Variants in HECTD4 observed in about 807,000 individuals in gnomAD.
The protein encoded by HECTD4 is probable E3 ubiquitin-protein ligase HECTD4.
A neutral mutation model predicts 471.5 loss-of-function variants in HECTD4; 114 were observed. That is an observed-to-expected ratio of 0.24 (90% confidence interval 0.21 to 0.28). The LOEUF is 0.28. HECTD4 is among the 10% of genes least tolerant of loss of function. HECTD4 has a pLI of 1.00. For missense variants in HECTD4, 3,866 were observed against 5,651.5 expected, an observed-to-expected ratio of 0.68 and a Z score of 10.13; for synonymous variants, 2,012 against 2,256.0, an observed-to-expected ratio of 0.89 and a Z score of 3.07.
intron 44 of HECTD4, among the ~76,000 whole-genome samples, chr12:112,222,557 C>T (rs2033127699): frequency 6.6e-6 from 1 of 152,166 alleles, no homozygotes; most frequent in Non-Finnish European, 1.5e-5. Context: ...TTCCTAGCTA[C>T]TCGGTAGGCT....
chr12:112,211,870 T>G (rs2032772029), intron 49 of HECTD4, among the ~76,000 whole-genome samples: 1 of 152,226 alleles, frequency 6.6e-6, no homozygotes, highest in South Asian at 2.1e-4. Flanking sequence ...CTTGGTCACG[T>G]TAACCTTGAC....
At chr12:112,305,792 T>G (rs1284746466) in intron 7 of HECTD4, among the ~76,000 whole-genome samples, 1 of 152,242 alleles carries the variant, frequency 6.6e-6, no homozygotes, top group African/African-American at 2.4e-5. Flanking sequence ...CAACAGACTG[T>G]GAGCATTTCT....
Position 112,381,153 on chromosome 12 carries a change from T to C in HECTD4, c.177+799A>G, listed in dbSNP as rs1387152000. 6.6e-6 allele frequency among the ~76,000 whole-genome samples: 1 copy of C among 152,088 alleles called. No individual in the cohort carries two copies. Among genetic ancestry groups the C allele is most frequent in the African/African-American group, 2.4e-5 (1 of 41,408 alleles). ...AACCCAAGTGAAGTCGATGGAAAGT[T>C]CCCACCAACCAGGCATATTTGGTTC... is the stretch of plus-strand genomic sequence containing the variant. On this transcript the variant is annotated intron_variant, in intron 1 of 75. Transcript: ENST00000682272. The surrounding 1 kb of genome is among the most constrained non-coding windows in gnomAD (Gnocchi z 4.1).
chr12:112,305,817 C>T lies in HECTD4; in HGVS notation c.1335+247G>A, dbSNP rs139684023. Among the ~76,000 whole-genome samples, 791 of 152,342 alleles carry T rather than the reference C, an allele frequency of 5.2e-3. 3 individuals carry two copies. Among genetic ancestry groups the T allele is most frequent in the African/African-American group, 0.018 (744 of 41,568 alleles). On this transcript the variant is annotated intron_variant, in intron 7 of 75. Coordinates refer to ENST00000682272, the MANE Select transcript of HECTD4 (RefSeq NM_001388303.1). ...TGAGCATTTCTACTTAAATACCCTT[C>T]TGTCTACACATTAAATAATGTTATC...
chr12:112,290,522 T>C (rs1018895609), intron 7 of HECTD4, among the ~76,000 whole-genome samples: 5 of 151,490 alleles, frequency 3.3e-5, no homozygotes, highest in African/African-American at 4.9e-5. Flanking sequence ...CAACACCCTG[T>C]CTCAAAAAAT....
chr12:112,274,786 T>C, intron 10 of HECTD4, 61 bp downstream of exon 10: 3 of 1,015,442 alleles, frequency 3.0e-6, no homozygotes, highest in Non-Finnish European at 4.5e-6. Flanking sequence ...GGCAAGACAG[T>C]TCAAGAGAAA....
chr12:112,290,770 C>G (rs2135656026), intron 7 of HECTD4, among the ~76,000 whole-genome samples: 1 of 150,560 alleles, frequency 6.6e-6, no homozygotes, highest in African/African-American at 2.5e-5. Flanking sequence ...ATCACTTGAA[C>G]CTGGGAGGAG....
rs115964526 is a variant in HECTD4, at chr12:112,255,972, T to C, written c.3327+348A>G. ...GGGCAGTGAGACCTTTCTAGATGAATGGACATCACACATCTGGGGTAACTT... is the reference window on the plus strand; with the variant it reads ...GGGCAGTGAGACCTTTCTAGATGAACGGACATCACACATCTGGGGTAACTT... On this transcript the variant is annotated intron_variant, in intron 21 of 75. Coordinates refer to ENST00000682272, the MANE Select transcript of HECTD4 (RefSeq NM_001388303.1). Among the ~76,000 whole-genome samples, 1,150 of 152,288 alleles carry C rather than the reference T, an allele frequency of 7.6e-3. 14 individuals carry two copies. The highest frequency in any genetic ancestry group is 0.025 in the African/African-American group (1,056 of 41,546).
intron 7 of HECTD4, chr12:112,301,899 C>T (rs912063563): frequency 9.6e-7 from 1 of 1,044,736 alleles, no homozygotes. Flanking sequence ...AGTTCTTTAG[C>T]CTTTGCCTTT....
intron 23 of HECTD4, among the ~76,000 whole-genome samples, chr12:112,251,560 G>A (rs2033888298): frequency 1.3e-5 from 2 of 152,144 alleles, no homozygotes; most frequent in Admixed American, 6.5e-5. Flanking sequence ...GGTGTCCTCT[G>A]TGTGCCAGCC....
chr12:112,252,314 TGAAA>T, intron 23 of HECTD4, 106 bp downstream of exon 23: 4 of 1,111,758 alleles, frequency 3.6e-6, no homozygotes, highest in Non-Finnish European at 4.9e-6. Context: ...AAGAGAAAGA[TGAAA>T]GAGTGACTCA....
chr12:112,265,314 A>T lies in HECTD4; in HGVS notation c.2499-19T>A, dbSNP rs1448242292. On this transcript the variant is annotated intron_variant, in intron 15 of 75. Transcript: ENST00000682272. ...ATTTAGTCTTTAAAATGCAGGAAAAATGTAACAATAAAATATTGATGGTTT... is the reference window on the plus strand; with the variant it reads ...ATTTAGTCTTTAAAATGCAGGAAAATTGTAACAATAAAATATTGATGGTTT... 6.8e-7 allele frequency: 1 copy of T among 1,471,746 alleles called. No homozygotes were observed. Among genetic ancestry groups the T allele is most frequent in the Non-Finnish European group, 9.3e-7 (1 of 1,072,008 alleles). 91.2% of individuals were successfully genotyped at this position (1,471,746 alleles called of 1,614,324 possible).
intron 1 of HECTD4, among the ~76,000 whole-genome samples, chr12:112,353,441 T>TA (rs1449239412): frequency 1.3e-5 from 2 of 152,224 alleles, no homozygotes; most frequent in African/African-American, 4.8e-5. Context: ...CATATATTAC[T>TA]AAAAAAAGTC....
chr12:112,167,032 C>T, intron 72 of HECTD4: 1 of 335,122 alleles, frequency 3.0e-6, no homozygotes, highest in Non-Finnish European at 5.4e-6. Flanking sequence ...GTTCACTCAG[C>T]TCCAGGAGCC....
chr12:112,267,559 C>T (rs2034307110), intron 13 of HECTD4, among the ~76,000 whole-genome samples: 1 of 152,114 alleles, frequency 6.6e-6, no homozygotes, highest in South Asian at 2.1e-4. Context: ...AGTGGCATCC[C>T]TCTCCTCCTC....
At chr12:112,189,449 G>A (rs911934323) in intron 60 of HECTD4, among the ~76,000 whole-genome samples, 1 of 119,150 alleles carries the variant, frequency 8.4e-6, no homozygotes, top group Non-Finnish European at 1.8e-5. Flanking sequence ...CTACTCTGGA[G>A]GCTGAGGCAG....
At chr12:112,375,780 T>A (rs2036764367) in intron 1 of HECTD4, among the ~76,000 whole-genome samples, 1 of 152,098 alleles carries the variant, frequency 6.6e-6, no homozygotes, top group South Asian at 2.1e-4. Context: ...TTTAAAAAAA[T>A]TTCCTAAGCC....
chr12:112,344,224 C>T (rs2036103779), intron 1 of HECTD4, among the ~76,000 whole-genome samples: 1 of 152,194 alleles, frequency 6.6e-6, no homozygotes. Flanking sequence ...AGAATTTTAA[C>T]TCCAAGTATT....
chr12:112,309,448 T>C (rs1281767917), intron 5 of HECTD4, 113 bp downstream of exon 5: 5 of 539,022 alleles, frequency 9.3e-6, no homozygotes, highest in African/African-American at 7.8e-5. Flanking sequence ...AGACTTGTTA[T>C]TTAGTTACTA....
Sources: allele counts gnomAD v4.1 joint callset (sites outside exome capture counted in the v4.1 genomes callset), GRCh38; gene constraint gnomAD v4.1.1; non-coding constraint Gnocchi (gnomAD v3.1); transcripts MANE v1.5; gene names NCBI Gene and HGNC (gene_info 2026-07-23, HGNC 2026-07-21).